TMPRSS4: variants seen among roughly 807,000 people sequenced by gnomAD.
The protein encoded by TMPRSS4 is transmembrane serine protease 4, also known as transmembrane protease serine 4.
In TMPRSS4, 45 loss-of-function variants were observed where a neutral mutation model predicts 56.4. The ratio of observed to expected loss-of-function variants is 0.80; its 90% CI spans 0.63 to 1.02. The LOEUF is 1.02. Among genes scored for constraint, TMPRSS4 ranks in the 50% least tolerant of loss-of-function variants. The probability of loss-of-function intolerance (pLI) is 0.00; values close to 1 mark genes in which losing one functional copy is unlikely to be tolerated. For synonymous variants in TMPRSS4, 205 were observed against 211.0 expected, an observed-to-expected ratio of 0.97 and a Z score of 0.25; for missense variants, 546 against 556.7, an observed-to-expected ratio of 0.98 and a Z score of 0.19.
chr11:118,082,406 T>C (rs1392261036), intron 1 of TMPRSS4, among the ~76,000 whole-genome samples: 3 of 151,874 alleles, frequency 2.0e-5, no homozygotes, highest in African/African-American at 7.3e-5. Context: ...ACTAAAGATA[T>C]AAACATTAGC....
chr11:118,079,816 T>A (rs993520558), intron 1 of TMPRSS4, among the ~76,000 whole-genome samples: 1 of 152,202 alleles, frequency 6.6e-6, no homozygotes, highest in African/African-American at 2.4e-5. Context: ...GGGTCCACCC[T>A]GACTGGGGCA....
At position 118,118,144 on chromosome 11, in the gene TMPRSS4, C is replaced by T. The variant is rs1029766605; in HGVS notation, c.*231C>T. The stretch of plus-strand genomic sequence containing the variant: ...GCTCGGCCACACTTGGTGCTCCCAG[C>T]ATCCCAGGGAGAGACACAGCCCACT... On this transcript the variant is annotated 3_prime_UTR_variant, in exon 13 of 13. Coordinates refer to ENST00000437212, the MANE Select transcript of TMPRSS4 (RefSeq NM_019894.4). 10 of 1,420,280 alleles carry T rather than the reference C, an allele frequency of 7.0e-6. No homozygotes were observed. Among genetic ancestry groups the T allele is most frequent in the Non-Finnish European group, 9.2e-6 (10 of 1,091,686 alleles). 88.0% of individuals were successfully genotyped at this position (1,420,280 alleles called of 1,614,324 possible). A position where few individuals can be genotyped will look rare whatever the true frequency, so the allele number is the denominator to read the frequency against.
chr11:118,123,198 A>C (rs1211038276), downstream of TMPRSS4, among the ~76,000 whole-genome samples: 2 of 152,122 alleles, frequency 1.3e-5, no homozygotes, highest in Non-Finnish European at 2.9e-5. Context: ...TCTCAATAAG[A>C]AACCTAACTT....
chr11:118,083,241 C>T (rs1945292986), intron 1 of TMPRSS4, among the ~76,000 whole-genome samples: 1 of 152,212 alleles, frequency 6.6e-6, no homozygotes, highest in South Asian at 2.1e-4. Flanking sequence ...TGTAACTTCC[C>T]CCGTTCCTCC....
chr11:118,094,511 CAGAT>C (rs1946179104), intron 1 of TMPRSS4, among the ~76,000 whole-genome samples: 1 of 152,254 alleles, frequency 6.6e-6, no homozygotes, highest in East Asian at 1.9e-4. Flanking sequence ...TTGACAAAAA[CAGAT>C]AGTAGAGCAG....
chr11:118,082,066 G>A (rs1945176045), intron 1 of TMPRSS4, among the ~76,000 whole-genome samples: 1 of 152,166 alleles, frequency 6.6e-6, no homozygotes, highest in Non-Finnish European at 1.5e-5. Flanking sequence ...GTCTTGCCAG[G>A]CTGCTGGGAG....
chr11:118,097,638 C>G (rs560533462), intron 2 of TMPRSS4, among the ~76,000 whole-genome samples: 1 of 152,276 alleles, frequency 6.6e-6, no homozygotes, highest in South Asian at 2.1e-4. Flanking sequence ...GGTTCCTTCT[C>G]CTTGGATAAC....
intron 1 of TMPRSS4, among the ~76,000 whole-genome samples, chr11:118,093,525 G>A (rs1055330801): frequency 3.3e-5 from 5 of 152,228 alleles, no homozygotes; most frequent in African/African-American, 9.7e-5. Context: ...TTGTGTCAGT[G>A]GCTCCTCCAT....
chr11:118,116,715 C>CTTTTTTT lies in TMPRSS4; in HGVS notation c.1153-580_1153-574dup, dbSNP rs58251133. On this transcript the variant is annotated intron_variant, in intron 11 of 12. Transcript: ENST00000437212. The stretch of plus-strand genomic sequence containing the variant: ...ACTAGGTTAAACAATGATAACCAGG[C>CTTTTTTT]TTTTTTTTTTTTTTTTGAGACTGAG... Among the ~76,000 whole-genome samples the CTTTTTTT allele has an allele frequency of 3.8e-4, 47 of 123,348 alleles. 4 individuals carry two copies. Among genetic ancestry groups the CTTTTTTT allele is most frequent in the African/African-American group, 5.4e-4 (17 of 31,220 alleles). The allele number at this position is 123,348 out of a possible 152,430, so 80.9% of individuals were successfully genotyped here. A position where few individuals can be genotyped will look rare whatever the true frequency, so the allele number is the denominator to read the frequency against.
At chr11:118,106,607 C>T (rs1947002325) in intron 5 of TMPRSS4, 1 of 152,148 alleles carries the variant, frequency 6.6e-6, no homozygotes. Context: ...GCCTCAGCCT[C>T]CCAAGTAGCT....
chr11:118,091,395 C>T (rs1470364775), intron 1 of TMPRSS4, among the ~76,000 whole-genome samples: 1 of 152,162 alleles, frequency 6.6e-6, no homozygotes, highest in Non-Finnish European at 1.5e-5. Flanking sequence ...CTCCCTAGAG[C>T]TCCCATTCTC....
At position 118,096,959 on chromosome 11, in the gene TMPRSS4, GAAA is replaced by G. The variant is rs1565423147; in HGVS notation, c.44-2025_44-2023del. 6.9e-5 allele frequency among the ~76,000 whole-genome samples: 5 copies of G among 72,044 alleles called. 1 individual carries two copies. Among genetic ancestry groups the G allele is most frequent in the African/African-American group, 1.4e-4 (3 of 21,946 alleles). The allele number at this position is 72,044 out of a possible 152,430, so 47.3% of individuals were successfully genotyped here. A position where few individuals can be genotyped will look rare whatever the true frequency, so the allele number is the denominator to read the frequency against. ...AAGAGAAAGAAAGAAAGGAAGGAAA[GAAA>G]GAAAGGAAAGAAAGAAAGAAAGAAA... is the stretch of plus-strand genomic sequence containing the variant. On this transcript the variant is annotated intron_variant, in intron 2 of 12. Coordinates refer to ENST00000437212, the MANE Select transcript of TMPRSS4 (RefSeq NM_019894.4).
chr11:118,094,841 C>T lies in TMPRSS4; in HGVS notation c.29C>T (p.Pro10Leu). The T allele has an allele frequency of 6.2e-7, 1 of 1,612,452 alleles. No homozygotes were observed. The highest frequency in any genetic ancestry group is 1.3e-5 in the African/African-American group (1 of 75,034). The stretch of plus-strand genomic sequence containing the variant: ...TTACAGGATCCTGACAGTGATCAAC[C>T]TCTGAACAGCCTCGGTAAGTTCAGG... MLQDPDSDQ[P>L]LNSLDVKPLR... Residue 10 changes from proline (P) to leucine (L), a missense_variant, in exon 2 of 13, where the codon CCT (proline) becomes CTT (leucine). Coordinates refer to ENST00000437212, the MANE Select transcript of TMPRSS4 (RefSeq NM_019894.4).
chr11:118,124,741 A>G (rs1565447670), downstream of TMPRSS4, among the ~76,000 whole-genome samples: 1 of 152,228 alleles, frequency 6.6e-6, no homozygotes, highest in Non-Finnish European at 1.5e-5. Flanking sequence ...ATAAATAGAC[A>G]TATACTATCC....
In TMPRSS4 at chr11:118,107,783, T is replaced by G. The variant is rs1319037156; in HGVS notation, c.450T>G (p.Thr150=). The part of the protein sequence containing the change: ...CRQMGYSSKP[T]FRAVEIGPDQ... The stretch of plus-strand genomic sequence containing the variant: ...CTCTTGATGTGAGCAGCAAACCCAC[T>G]TTCAGAGCTGTGGAGATTGGCCCAG... The change falls in exon 6 of 13, where the codon ACT becomes ACG. Residue 150 remains threonine (T), a synonymous_variant. Transcript: ENST00000437212. 6.2e-7 allele frequency: 1 copy of G among 1,614,046 alleles called. No homozygotes were observed. The highest frequency in any genetic ancestry group is 1.7e-5 in the Admixed American group (1 of 60,008).
downstream of TMPRSS4, among the ~76,000 whole-genome samples, chr11:118,125,091 G>A (rs1175722293): frequency 1.3e-5 from 2 of 152,182 alleles, no homozygotes; most frequent in Non-Finnish European, 2.9e-5. Flanking sequence ...GGTGGCCTTC[G>A]TTGCATGCAC....
rs868707452 is a variant in TMPRSS4, at chr11:118,096,885, A to G, written c.43+2030A>G. Among the ~76,000 whole-genome samples the G allele has an allele frequency of 4.6e-4, 25 of 53,782 alleles. 7 individuals are homozygous for G. The highest frequency in any genetic ancestry group is 3.0e-3 in the South Asian group (6 of 1,974). The allele number at this position is 53,782 out of a possible 152,430, so 35.3% of individuals were successfully genotyped here. On this transcript the variant is annotated intron_variant, in intron 2 of 12. Transcript: ENST00000437212. Reference sequence around the variant, plus strand: ...AAAGAAAGAAAGAAAGAAAGAAAGAAAGAAAGAAAGAAAGAAAGAAAGAAA... The same window carrying G: ...AAAGAAAGAAAGAAAGAAAGAAAGAGAGAAAGAAAGAAAGAAAGAAAGAAA...
At chr11:118,104,640 T>C (rs556830049) in intron 4 of TMPRSS4, 51 bp from the exon 5 acceptor site, 1 of 1,613,222 alleles carries the variant, frequency 6.2e-7, no homozygotes, top group Admixed American at 1.7e-5. Context: ...CTGAGGGGGA[T>C]GGGCCAGTTG....
rs1342428227 is a variant in TMPRSS4, at chr11:118,121,283, G to C, written c.*3370G>C. 5.9e-5 allele frequency: 9 copies of C among 152,230 alleles called. No individual in the cohort carries two copies. The highest frequency in any genetic ancestry group is 1.5e-5 in the Non-Finnish European group (1 of 68,038). 9.4% of individuals were successfully genotyped at this position (152,230 alleles called of 1,614,324 possible). A position where few individuals can be genotyped will look rare whatever the true frequency, so the allele number is the denominator to read the frequency against. ...CCTAAAAGGAAGAACCAAGAAGCAA[G>C]TAGCAATAGTGAGGCAATTGTGAAA... is the stretch of plus-strand genomic sequence containing the variant. On this transcript the variant is annotated 3_prime_UTR_variant, in exon 13 of 13. Transcript: ENST00000437212.
Sources: allele counts gnomAD v4.1 joint callset (sites outside exome capture counted in the v4.1 genomes callset), GRCh38; gene constraint gnomAD v4.1.1; transcripts MANE v1.5; gene names NCBI Gene and HGNC (gene_info 2026-07-23, HGNC 2026-07-21).